Variants in PVT1 observed in about 807,000 individuals in gnomAD.
PVT1 encodes CXCR4/PVT1 fusion.
intron 4 of PVT1, among the ~76,000 whole-genome samples, chr8:128,028,593 A>G (rs1363812564): frequency 3.9e-5 from 6 of 152,220 alleles, no homozygotes; most frequent in Non-Finnish European, 8.8e-5. Context: ...ATCTCTAGCT[A>G]GGGACCTATC....
chr8:128,085,029 T>C (rs1254230001), intron 5 of PVT1, among the ~76,000 whole-genome samples: 1 of 152,246 alleles, frequency 6.6e-6, no homozygotes, highest in African/African-American at 2.4e-5. Flanking sequence ...CTTGATATTC[T>C]TTCCATTGAA....
At chr8:127,913,631 A>T (rs1252607878) in intron 3 of PVT1, among the ~76,000 whole-genome samples, 1 of 152,048 alleles carries the variant, frequency 6.6e-6, no homozygotes, top group African/African-American at 2.4e-5. Flanking sequence ...GTATGGAAGC[A>T]CTTCCCTGTG....
At chr8:128,003,904 A>G (rs1158047008) in intron 4 of PVT1, among the ~76,000 whole-genome samples, 1 of 152,204 alleles carries the variant, frequency 6.6e-6, no homozygotes, top group East Asian at 1.9e-4. Context: ...ACTGTGCTAG[A>G]GGCTGGGAAG....
chr8:127,947,994 T>C (rs1254556829), intron 3 of PVT1: 3 of 441,738 alleles, frequency 6.8e-6, no homozygotes. Context: ...TGGGAACACA[T>C]TGCCTTTCTT....
Position 127,927,948 on chromosome 8 carries a change from G to A in PVT1, n.782+36950G>A, listed in dbSNP as rs114338197. Among the ~76,000 whole-genome samples, 516 of 152,292 alleles carry A rather than the reference G, an allele frequency of 3.4e-3. 3 individuals carry two copies. Among genetic ancestry groups the A allele is most frequent in the African/African-American group, 0.012 (489 of 41,562 alleles). On this transcript the variant is annotated intron_variant and non_coding_transcript_variant, in intron 3 of 10. Coordinates refer to ENST00000651587, the Ensembl canonical transcript of PVT1. ...AATACTTTACAAAAATTCTCAGTGC[G>A]GTTGGTGGGTGAGAAGGGCTGTCGT... is the stretch of plus-strand genomic sequence containing the variant.
chr8:128,028,429 G>C (rs1813346694), intron 4 of PVT1, among the ~76,000 whole-genome samples: 1 of 152,228 alleles, frequency 6.6e-6, no homozygotes, highest in Non-Finnish European at 1.5e-5. Context: ...GTTTGTCCCA[G>C]GCAGTGCATC....
intron 3 of PVT1, among the ~76,000 whole-genome samples, chr8:127,968,751 A>C (rs1454205383): frequency 6.6e-6 from 1 of 152,192 alleles, no homozygotes; most frequent in African/African-American, 2.4e-5. Flanking sequence ...ATCTTGGGGT[A>C]TGGTGAGCTC....
At chr8:128,086,321 G>A (rs1814254358) in intron 5 of PVT1, among the ~76,000 whole-genome samples, 1 of 152,172 alleles carries the variant, frequency 6.6e-6, no homozygotes, top group African/African-American at 2.4e-5. Flanking sequence ...AGAAGCATAA[G>A]CATCAGCTTC....
chr8:128,065,861 C>T (rs188471793), intron 4 of PVT1, among the ~76,000 whole-genome samples: 5 of 152,348 alleles, frequency 3.3e-5, no homozygotes, highest in Non-Finnish European at 4.4e-5. Context: ...TGGAACCTTT[C>T]GTTCATTCAC....
intron 2 of PVT1, among the ~76,000 whole-genome samples, chr8:127,846,980 CT>C (rs34437112): frequency 0.084 from 5,257 of 62,656 alleles, 217 homozygotes; most frequent in Non-Finnish European, 0.092. Context: ...TGCACATGGC[CT>C]TTTTTTTTTT....
intron 4 of PVT1, chr8:128,010,342 G>A (rs575335853): frequency 6.6e-6 from 1 of 152,216 alleles, no homozygotes; most frequent in South Asian, 2.1e-4. Flanking sequence ...ACAGAAACTG[G>A]ACCTCTCCCA....
intron 3 of PVT1, among the ~76,000 whole-genome samples, chr8:127,967,185 C>T (rs1022410544): frequency 2.2e-4 from 33 of 152,196 alleles, no homozygotes; most frequent in African/African-American, 7.5e-4. Flanking sequence ...TACCCACCCG[C>T]TGATGACAAA....
At chr8:128,089,850 G>T (rs895736272) in intron 5 of PVT1, among the ~76,000 whole-genome samples, 1 of 152,216 alleles carries the variant, frequency 6.6e-6, no homozygotes, top group Admixed American at 6.5e-5. Context: ...GTTAGAGAAT[G>T]ATTTCATGAA....
At chr8:127,915,696 G>A (rs1330881534) in intron 3 of PVT1, among the ~76,000 whole-genome samples, 1 of 152,066 alleles carries the variant, frequency 6.6e-6, no homozygotes, top group East Asian at 1.9e-4. Context: ...GATGGGATGG[G>A]TTCATTAGCC....
intron 4 of PVT1, among the ~76,000 whole-genome samples, chr8:128,023,960 C>T (rs564673645): frequency 3.2e-4 from 49 of 152,294 alleles, no homozygotes; most frequent in Middle Eastern, 3.4e-3. Context: ...ATCTATTCTG[C>T]GTGGAGGAAT....
At chr8:128,003,608 C>T (rs569943635) in intron 4 of PVT1, among the ~76,000 whole-genome samples, 3 of 152,214 alleles carry the variant, frequency 2.0e-5, no homozygotes, top group African/African-American at 4.8e-5. Context: ...ACTGGGATTA[C>T]GGGTGTGCGC....
intron 3 of PVT1, among the ~76,000 whole-genome samples, chr8:127,937,548 G>GACACACACACACACACACACACAC (rs35147410): frequency 4.9e-5 from 6 of 122,628 alleles, no homozygotes; most frequent in African/African-American, 2.1e-4. Flanking sequence ...TAGGGAAAAA[G>GACACACACACACACACACACACAC]ACACACACAC....
intron 3 of PVT1, among the ~76,000 whole-genome samples, chr8:127,928,423 G>A (rs78406939): frequency 0.012 from 1,833 of 152,244 alleles, 36 homozygotes; most frequent in African/African-American, 0.042. Context: ...TCCCATTGCC[G>A]TGGTCCCTAT....
At chr8:128,077,655 G>A (rs1035213434) in intron 5 of PVT1, among the ~76,000 whole-genome samples, 4 of 152,152 alleles carry the variant, frequency 2.6e-5, no homozygotes, top group Non-Finnish European at 5.9e-5. Context: ...TTTAAAACAG[G>A]AATGGTGATC....
Sources: allele counts gnomAD v4.1 joint callset (sites outside exome capture counted in the v4.1 genomes callset), GRCh38; gene constraint gnomAD v4.1.1; transcripts MANE v1.5; gene names NCBI Gene and HGNC (gene_info 2026-07-23, HGNC 2026-07-21).